FBXO36: variants seen among roughly 807,000 people sequenced by gnomAD.
FBXO36 encodes F-box only protein 36.
Under a neutral mutation model 17.0 loss-of-function variants are expected in FBXO36, and 18 were observed. That is an observed-to-expected ratio of 1.06 (90% CI 0.73 to 1.57). FBXO36 has a LOEUF of 1.57. Among genes scored for constraint, FBXO36 ranks in the 40% most tolerant of loss-of-function variants. The probability of loss-of-function intolerance (pLI) is 0.00; values close to 1 mark genes in which losing one functional copy is unlikely to be tolerated. For synonymous variants in FBXO36, 83 were observed against 85.3 expected (o/e 0.97, Z 0.15); for missense variants, 229 against 221.9 (o/e 1.03, Z -0.20).
chr2:229,961,271 C>CA (rs1456982498), intron 1 of FBXO36, among the ~76,000 whole-genome samples: 1 of 152,126 alleles, frequency 6.6e-6, no homozygotes, highest in East Asian at 1.9e-4. Flanking sequence ...TTATTATATA[C>CA]AAATACCATG....
chr2:229,940,767 C>CCA (rs2076993738), intron 1 of FBXO36, among the ~76,000 whole-genome samples: 3 of 152,140 alleles, frequency 2.0e-5, no homozygotes, highest in African/African-American at 7.2e-5. Flanking sequence ...GAGACTTCTT[C>CCA]CCCTTCAGAA....
chr2:230,003,107 G>A (rs1417493469), intron 3 of FBXO36, among the ~76,000 whole-genome samples: 1 of 150,948 alleles, frequency 6.6e-6, no homozygotes, highest in Non-Finnish European at 1.5e-5. Context: ...CAGCTACTCA[G>A]GTTGAGGCAA....
chr2:229,923,859 T>TG (rs1449611981), intron 1 of FBXO36, among the ~76,000 whole-genome samples: 2 of 141,530 alleles, frequency 1.4e-5, no homozygotes, highest in Non-Finnish European at 3.1e-5. Context: ...TTTTTTTTTT[T>TG]TTTTTTTTTT....
intron 1 of FBXO36, among the ~76,000 whole-genome samples, chr2:229,966,897 G>A (rs1004079510): frequency 1.3e-5 from 2 of 152,190 alleles, no homozygotes; most frequent in African/African-American, 4.8e-5. Context: ...CTTTAAAGTA[G>A]TTTTTTCCAA....
intron 1 of FBXO36, among the ~76,000 whole-genome samples, chr2:229,928,399 A>G (rs1336467916): frequency 6.6e-6 from 1 of 152,250 alleles, no homozygotes; most frequent in Non-Finnish European, 1.5e-5. Flanking sequence ...TAAGAGTTAC[A>G]GATTTTTACT....
intron 1 of FBXO36, among the ~76,000 whole-genome samples, chr2:229,938,680 T>G (rs2106159911): frequency 1.3e-5 from 2 of 149,910 alleles, no homozygotes; most frequent in Middle Eastern, 7.1e-3. Context: ...GTATTTTTTG[T>G]ATAGATGGGG....
intron 1 of FBXO36, among the ~76,000 whole-genome samples, chr2:229,954,763 G>T (rs1270139690): frequency 6.7e-6 from 1 of 149,476 alleles, no homozygotes; most frequent in East Asian, 2.0e-4. Context: ...TAGCCAGGAT[G>T]GACTCAATCT....
rs144211805 is a variant in FBXO36, at chr2:229,997,010, C to T, written c.378+87C>T. 1.1e-3 allele frequency: 1,372 copies of T among 1,267,364 alleles called. 12 individuals carry two copies. In the African/African-American group the frequency reaches 0.017, roughly 16 times the overall value. The allele number at this position is 1,267,364 out of a possible 1,614,324, so 78.5% of individuals were successfully genotyped here. On this transcript the variant is annotated intron_variant, in intron 3 of 3. Transcript: ENST00000283946. ...TAACATAGCAATCATTTGTTGAGTA[C>T]TAACTTTGTGATGGACACTGTCTTA...
intron 3 of FBXO36, among the ~76,000 whole-genome samples, chr2:230,000,599 T>G (rs2077353405): frequency 6.6e-6 from 1 of 151,980 alleles, no homozygotes; most frequent in Non-Finnish European, 1.5e-5. Context: ...CTGGTAGTTA[T>G]TTCTCACGCT....
chr2:230,010,674 C>T (rs1201713683), intron 3 of FBXO36, 22 bp from the exon 4 acceptor site: 45 of 1,588,142 alleles, frequency 2.8e-5, no homozygotes, highest in Non-Finnish European at 3.8e-5. Flanking sequence ...TGTAACCCAC[C>T]TCTGACTTTT....
intron 3 of FBXO36, among the ~76,000 whole-genome samples, chr2:230,001,774 C>T (rs901975555): frequency 5.3e-5 from 8 of 152,058 alleles, no homozygotes; most frequent in African/African-American, 1.9e-4. Flanking sequence ...AGGGCCTACT[C>T]CTGGGAATTT....
At chr2:229,969,452 G>A (rs2077170007) in intron 1 of FBXO36, among the ~76,000 whole-genome samples, 1 of 151,974 alleles carries the variant, frequency 6.6e-6, no homozygotes, top group East Asian at 1.9e-4. Context: ...ACTCTGGGAG[G>A]CTGAGGCGGG....
rs550457287 is a variant in FBXO36, at chr2:229,976,678, G to A, written c.205+329G>A. 11 of 198,954 alleles carry A rather than the reference G, an allele frequency of 5.5e-5. No homozygotes were observed. In the South Asian group the frequency reaches 9.6e-4, roughly 17 times the overall value. The allele number at this position is 198,954 out of a possible 1,614,324, so 12.3% of individuals were successfully genotyped here. On this transcript the variant is annotated intron_variant, in intron 2 of 3. Coordinates refer to ENST00000283946, the MANE Select transcript of FBXO36 (RefSeq NM_174899.5). The stretch of plus-strand genomic sequence containing the variant: ...TACTAAAAATACAAAAATTAGCCGG[G>A]CATGTTGGCACATGCCTGTTATCCT...
At chr2:229,975,623 A>C (rs1371638190) in intron 1 of FBXO36, among the ~76,000 whole-genome samples, 3 of 151,494 alleles carry the variant, frequency 2.0e-5, no homozygotes, top group Non-Finnish European at 2.9e-5. Context: ...TACAGAGCAC[A>C]CCACAATGCC....
chr2:229,960,199 A>AT (rs1254851997), intron 1 of FBXO36, among the ~76,000 whole-genome samples: 4 of 151,832 alleles, frequency 2.6e-5, no homozygotes, highest in African/African-American at 9.7e-5. Context: ...TATTTTTGAG[A>AT]TGGGGTCTCG....
intron 1 of FBXO36, among the ~76,000 whole-genome samples, chr2:229,927,059 CATGTTGGCCAG>C (rs2076916742): frequency 6.6e-6 from 1 of 151,982 alleles, no homozygotes; most frequent in Non-Finnish European, 1.5e-5. Context: ...GGGGTTTCAC[CATGTTGGCCAG>C]GCTGATCTTG....
At chr2:229,932,575 G>A (rs2076944175) in intron 1 of FBXO36, among the ~76,000 whole-genome samples, 1 of 152,062 alleles carries the variant, frequency 6.6e-6, no homozygotes, top group South Asian at 2.1e-4. Flanking sequence ...CTACTCAGGA[G>A]GCTGAAGCAG....
intron 1 of FBXO36, chr2:229,932,832 G>A: frequency 3.8e-6 from 1 of 265,746 alleles, no homozygotes; most frequent in South Asian, 3.2e-5. Context: ...CACTTTGGGA[G>A]GCCGAGCCAG....
chr2:229,980,697 G>C (rs879273836), intron 2 of FBXO36, among the ~76,000 whole-genome samples: 1 of 152,104 alleles, frequency 6.6e-6, no homozygotes, highest in Non-Finnish European at 1.5e-5. Context: ...GAAGAGAAAA[G>C]GCAATATAGC....
Sources: allele counts gnomAD v4.1 joint callset (sites outside exome capture counted in the v4.1 genomes callset), GRCh38; gene constraint gnomAD v4.1.1; transcripts MANE v1.5; gene names NCBI Gene and HGNC (gene_info 2026-07-23, HGNC 2026-07-21).